The following SYT13 variants were observed in gnomAD, a reference collection of about 807,000 sequenced individuals.
SYT13 encodes synaptotagmin 13, also known as synaptotagmin-13.
Under a neutral mutation model 38.6 loss-of-function variants are expected in SYT13, and 21 were observed. The observed-to-expected ratio is 0.54, with a 90% CI of 0.39 to 0.78. The LOEUF (loss-of-function observed/expected upper bound fraction) is 0.78. SYT13 is among the 30% of genes least tolerant of loss of function. The pLI is 0.00. For missense variants in SYT13, 495 were observed against 548.7 expected (o/e 0.90, Z 0.98); for synonymous variants, 241 against 237.6 (o/e 1.01, Z -0.13).
chr11:45,261,875 C>T (rs1053048086), intron 1 of SYT13, among the ~76,000 whole-genome samples: 3 of 150,214 alleles, frequency 2.0e-5, no homozygotes, highest in Admixed American at 2.0e-4. Context: ...AAGATCATGC[C>T]ACTGCACTCC....
At chr11:45,279,318 A>G (rs894083461) in intron 1 of SYT13, among the ~76,000 whole-genome samples, 13 of 152,238 alleles carry the variant, frequency 8.5e-5, no homozygotes, top group African/African-American at 3.1e-4. Flanking sequence ...GCAGTGGATC[A>G]CACCTGTAAT....
At chr11:45,259,102 G>A (rs751198) in intron 1 of SYT13, among the ~76,000 whole-genome samples, 64,431 of 151,826 alleles carry the variant, frequency 0.42, 15,662 homozygotes, top group Non-Finnish European at 0.56. Context: ...AATCCCTGTC[G>A]GTCTTGCCAC....
rs1295911960 is a variant in SYT13, at chr11:45,275,924, C to CA, written c.183+10100dup. Among the ~76,000 whole-genome samples the CA allele has an allele frequency of 5.9e-5, 9 of 152,288 alleles. No homozygotes were observed. The East Asian group carries it at 1.5e-3, about 26-fold the overall frequency. ...AGCAGGTGCAAACTTGCTGGAAGAA[C>CA]AGGGCAGCCAGGACTACTGCACACA... is the stretch of plus-strand genomic sequence containing the variant. On this transcript the variant is annotated intron_variant, in intron 1 of 5. Coordinates refer to ENST00000020926, the MANE Select transcript of SYT13 (RefSeq NM_020826.3).
intron 1 of SYT13, among the ~76,000 whole-genome samples, chr11:45,258,030 T>G (rs951689042): frequency 3.3e-5 from 5 of 152,248 alleles, no homozygotes; most frequent in African/African-American, 1.2e-4. Context: ...GACCTGATTC[T>G]AGCCTGATCA....
In SYT13 at chr11:45,254,269, C is replaced by T; in HGVS notation, c.544+1G>A. Reference sequence around the variant, plus strand: ...CCACGAGAGTCAAATAAGAGCCATACCTTCCAGGCGAGTCACAAACAATTC... The same window carrying T: ...CCACGAGAGTCAAATAAGAGCCATATCTTCCAGGCGAGTCACAAACAATTC... On this transcript the variant is annotated splice_donor_variant, in intron 3 of 5. Transcript: ENST00000020926. LOFTEE classifies it high-confidence loss of function. The T allele has an allele frequency of 6.2e-7, 1 of 1,608,562 alleles. No homozygotes were observed. The highest frequency in any genetic ancestry group is 8.5e-7 in the Non-Finnish European group (1 of 1,177,528).
At chr11:45,259,876 A>G (rs2135896454) in intron 1 of SYT13, among the ~76,000 whole-genome samples, 1 of 152,310 alleles carries the variant, frequency 6.6e-6, no homozygotes, top group African/African-American at 2.4e-5. Flanking sequence ...GAGAGACAGA[A>G]AGAACCTGTG....
In SYT13 at chr11:45,252,422, T is replaced by A. The variant is rs758440772; in HGVS notation, c.845A>T (p.Lys282Met). 29 of 1,572,880 alleles carry A rather than the reference T, an allele frequency of 1.8e-5. No homozygotes were observed. The highest frequency in any genetic ancestry group is 1.0e-5 in the Non-Finnish European group (12 of 1,156,580). Residue 282 changes from lysine (K) to methionine (M), a missense_variant and splice_region_variant, in exon 4 of 6, where the codon AAG becomes ATG. Lys to Met is a moderately conservative substitution (Grantham distance 95). Coordinates refer to ENST00000020926, the MANE Select transcript of SYT13 (RefSeq NM_020826.3). The surrounding 1 kb of genome is among the most constrained non-coding windows in gnomAD (Gnocchi z 4.3). ...TTTCTAACCCAGGGGTTACCCTACC[T>A]TCGCTGAAGTCTTCAGCTCGCCCCA... is the stretch of plus-strand genomic sequence containing the variant. ...AQWGELKTSA[K>M]EPSAGAGEVL...
At chr11:45,261,026 A>G (rs1378336368) in intron 1 of SYT13, among the ~76,000 whole-genome samples, 2 of 152,186 alleles carry the variant, frequency 1.3e-5, no homozygotes, top group Admixed American at 6.5e-5. Flanking sequence ...AGCAACAAAA[A>G]CCCAAACAAC....
chr11:45,264,890 G>T (rs565497016), intron 1 of SYT13, among the ~76,000 whole-genome samples: 117 of 152,328 alleles, frequency 7.7e-4, no homozygotes, highest in Non-Finnish European at 1.6e-3. Context: ...ACTAGTGCCG[G>T]TGGAAGGGAA....
chr11:45,246,590 G>C (rs1008816878), intron 4 of SYT13, 78 bp from the exon 5 acceptor site: 3 of 1,544,046 alleles, frequency 1.9e-6, no homozygotes, highest in Non-Finnish European at 2.6e-6. Context: ...GCTGAAGCTG[G>C]AACCATGCTG....
rs569774767 is a variant in SYT13 at position 45,243,243 on chromosome 11, A to G, written c.*809T>C. 1.6e-4 allele frequency: 25 copies of G among 152,368 alleles called. No homozygotes were observed. Among genetic ancestry groups the G allele is most frequent in the African/African-American group, 5.8e-4 (24 of 41,594 alleles). 9.4% of individuals were successfully genotyped at this position (152,368 alleles called of 1,614,324 possible). ...CAATAAAAAGCACAAAATTCAGTCC[A>G]AGAGCAGGGGGCTTATGAAATGCAC... On this transcript the variant is annotated 3_prime_UTR_variant, in exon 6 of 6. Coordinates refer to ENST00000020926, the MANE Select transcript of SYT13 (RefSeq NM_020826.3).
chr11:45,276,714 A>T (rs944973156), intron 1 of SYT13, among the ~76,000 whole-genome samples: 39 of 103,048 alleles, frequency 3.8e-4, no homozygotes, highest in African/African-American at 2.1e-3. Context: ...TGACTTTTTA[A>T]AAAAAAAAAA....
intron 1 of SYT13, among the ~76,000 whole-genome samples, chr11:45,257,685 G>A (rs555551147): frequency 6.6e-6 from 1 of 152,300 alleles, no homozygotes; most frequent in African/African-American, 2.4e-5. Context: ...TTCTGCCCTG[G>A]TTGAGACTCT....
chr11:45,245,170 G>T (rs1854599613), intron 5 of SYT13, among the ~76,000 whole-genome samples: 1 of 152,212 alleles, frequency 6.6e-6, no homozygotes, highest in South Asian at 2.1e-4. Context: ...CAAACCCAGG[G>T]CACTGCACCA....
chr11:45,275,649 T>C (rs1357812065), intron 1 of SYT13, among the ~76,000 whole-genome samples: 1 of 152,170 alleles, frequency 6.6e-6, no homozygotes, highest in Non-Finnish European at 1.5e-5. Context: ...TCTAATGAAT[T>C]GGGACTTATT....
intron 4 of SYT13, among the ~76,000 whole-genome samples, chr11:45,251,386 TAA>T (rs10649998): frequency 4.0e-5 from 3 of 75,352 alleles, no homozygotes; most frequent in African/African-American, 5.8e-5. Flanking sequence ...AGACTCTGTC[TAA>T]AAAAAAAAAA....
intron 4 of SYT13, among the ~76,000 whole-genome samples, chr11:45,246,859 C>A (rs1366742478): frequency 1.3e-5 from 2 of 152,186 alleles, no homozygotes; most frequent in Non-Finnish European, 2.9e-5. Flanking sequence ...TTCTGCCACC[C>A]CCAAGCTCCT....
chr11:45,255,948 C>A, intron 1 of SYT13, 57 bp from the exon 2 acceptor site: 1 of 1,572,112 alleles, frequency 6.4e-7, no homozygotes, highest in Non-Finnish European at 8.7e-7. Context: ...TCTGTTTCCC[C>A]CCATGGAAGG....
chr11:45,253,000 AT>A lies in SYT13; in HGVS notation c.545-279del, dbSNP rs1248581859. ...AGCCCTCTGAACTCCGGATTCTGAA[AT>A]TTTGCCAAGGTGCCAAGGCTTGCTG... On this transcript the variant is annotated intron_variant, in intron 3 of 5. Transcript: ENST00000020926. The surrounding 1 kb of genome is among the most constrained non-coding windows in gnomAD (Gnocchi z 4.3). Among the ~76,000 whole-genome samples, 1 of 152,188 alleles carries A rather than the reference AT, an allele frequency of 6.6e-6. No homozygotes were observed. Among genetic ancestry groups the A allele is most frequent in the African/African-American group, 2.4e-5 (1 of 41,446 alleles).
Sources: gnomAD v4.1 joint callset for allele counts (sites outside exome capture counted in the v4.1 genomes callset) on GRCh38, gnomAD v4.1.1 for gene constraint, Gnocchi (gnomAD v3.1) non-coding constraint, MANE v1.5 for transcripts, NCBI Gene and HGNC (gene_info 2026-07-23, HGNC 2026-07-21) for gene names.